The following GRIK5 variants were observed in gnomAD, a reference collection of about 807,000 sequenced individuals.
The protein encoded by GRIK5 is glutamate receptor ionotropic, kainate 5.
In GRIK5, 43 loss-of-function variants were observed where a neutral mutation model predicts 97.4. That is an observed-to-expected ratio of 0.44 (90% confidence interval 0.35 to 0.57). GRIK5 has a LOEUF of 0.57. GRIK5 is among the 20% of genes least tolerant of loss of function. The pLI, the probability that GRIK5 is intolerant of heterozygous loss-of-function variation, is 0.01. For missense variants in GRIK5, 1,015 were observed against 1,382.0 expected, an observed-to-expected ratio of 0.73 and a Z score of 4.21; for synonymous variants, 580 against 583.5, an observed-to-expected ratio of 0.99 and a Z score of 0.09.
At chr19:42,050,918 CA>C (rs2076107083) in intron 11 of GRIK5, among the ~76,000 whole-genome samples, 1 of 152,098 alleles carries the variant, frequency 6.6e-6, no homozygotes, top group Non-Finnish European at 1.5e-5. Context: ...GTACCTTGGG[CA>C]CTGCAAGGGC....
In GRIK5 at chr19:42,006,379, C is replaced by G. The variant is rs1397977040; in HGVS notation, c.2037+266G>C. 6.6e-6 allele frequency among the ~76,000 whole-genome samples: 1 copy of G among 152,196 alleles called. No homozygotes were observed. Among genetic ancestry groups the G allele is most frequent in the East Asian group, 1.9e-4 (1 of 5,192 alleles). ...TGTCAGCCCATATTCCTGGTCCCGA[C>G]CCTTCCAGCAGCCTCCTTGATCCCA... On this transcript the variant is annotated intron_variant, in intron 16 of 19. Transcript: ENST00000593562. The surrounding 1 kb of genome is among the most constrained non-coding windows in gnomAD (Gnocchi z 5.3).
In GRIK5 at chr19:42,056,779, G is replaced by A; in HGVS notation, c.786C>T (p.Ser262=). 2 of 1,614,118 alleles carry A rather than the reference G, an allele frequency of 1.2e-6. No individual in the cohort carries two copies. The highest frequency in any genetic ancestry group is 1.7e-6 in the Non-Finnish European group (2 of 1,179,994). Residue 262 remains serine, a synonymous_variant, in exon 8 of 20, where the codon TCC becomes TCT. Coordinates refer to ENST00000593562, the MANE Select transcript of GRIK5 (RefSeq NM_002088.5). ...LHLDGIVEDS[S]NILGFSMFNT... is the part of the protein sequence containing the mutation. ...TGAACATGGAGAAGCCCAGGATGTT[G>A]GAGGAGTCCTCCACAATACCGTCCA...
chr19:42,059,456 C>T lies in GRIK5; in HGVS notation c.580G>A (p.Asp194Asn). The T allele has an allele frequency of 6.2e-7, 1 of 1,613,968 alleles. No homozygotes were observed. The highest frequency in any genetic ancestry group is 8.5e-7 in the Non-Finnish European group (1 of 1,179,966). Residue 194 changes from aspartate to asparagine, a missense_variant, in exon 6 of 20, where the codon GAC becomes AAC. Transcript: ENST00000593562. Reference protein sequence around the residue: ...SKETLSVRMLDDSRDPTPLLK... With the variant: ...SKETLSVRMLNDSRDPTPLLK... ...AGTGGTGTGGGGTCCCGGCTGTCGTCCAACATCCTCACTGACAGCGTCTCC... is the reference window on the plus strand; with the variant it reads ...AGTGGTGTGGGGTCCCGGCTGTCGTTCAACATCCTCACTGACAGCGTCTCC...
intron 11 of GRIK5, among the ~76,000 whole-genome samples, chr19:42,048,812 G>T (rs1246388874): frequency 1.3e-5 from 2 of 152,084 alleles, no homozygotes; most frequent in African/African-American, 4.8e-5. Context: ...GTCAAGGTGG[G>T]TGGATCCCTT....
intron 11 of GRIK5, among the ~76,000 whole-genome samples, chr19:42,045,417 C>T (rs905671134): frequency 1.3e-5 from 2 of 152,240 alleles, no homozygotes; most frequent in African/African-American, 4.8e-5. Flanking sequence ...ACTTTCCAGT[C>T]CAGTCTGGAC....
rs1555871449 is a variant in GRIK5, at chr19:42,003,286, C to A, written c.2514+46G>T. 2 of 1,581,822 alleles carry A rather than the reference C, an allele frequency of 1.3e-6. No individual in the cohort carries two copies. Among genetic ancestry groups the A allele is most frequent in the Admixed American group, 1.7e-5 (1 of 59,478 alleles). On this transcript the variant is annotated intron_variant, in intron 19 of 19. Coordinates refer to ENST00000593562, the MANE Select transcript of GRIK5 (RefSeq NM_002088.5). This position sits in a 1 kb window ranked among gnomAD's most constrained non-coding sequence, Gnocchi z 4.2. The stretch of plus-strand genomic sequence containing the variant: ...GCCACAATCTTCACGCACCTCAGCC[C>A]CTGGGGGTCCCTGTTCCTGCCCACC...
intron 12 of GRIK5, among the ~76,000 whole-genome samples, chr19:42,033,161 T>C (rs1188408043): frequency 6.6e-6 from 1 of 151,752 alleles, no homozygotes; most frequent in Non-Finnish European, 1.5e-5. Flanking sequence ...CTACTAAAAA[T>C]ACAAAAATTA....
At chr19:42,068,840 T>G (rs1314901446) in intron 1 of GRIK5, 1 of 664,708 alleles carries the variant, frequency 1.5e-6, no homozygotes, top group Non-Finnish European at 2.7e-6. Flanking sequence ...CTGGACGGGG[T>G]GGGGACAGGG....
intron 15 of GRIK5, among the ~76,000 whole-genome samples, chr19:42,014,271 G>A (rs1241295438): frequency 6.6e-6 from 1 of 152,008 alleles, no homozygotes; most frequent in Non-Finnish European, 1.5e-5. Flanking sequence ...GCGTGCGCTT[G>A]TAGTCCCAGC....
Position 42,021,710 on chromosome 19 carries a change from A to G in GRIK5, c.1698-236T>C, listed in dbSNP as rs1045898429. On this transcript the variant is annotated intron_variant, in intron 14 of 19. Coordinates refer to ENST00000593562, the MANE Select transcript of GRIK5 (RefSeq NM_002088.5). This position sits in a 1 kb window ranked among gnomAD's most constrained non-coding sequence, Gnocchi z 4.2. ...AAATAGAGAAGGGAGGAGGCAAAAA[A>G]GGGAGAGGCGGGAAGGGGAGAGACC... Among the ~76,000 whole-genome samples, 1 of 152,144 alleles carries G rather than the reference A, an allele frequency of 6.6e-6. No homozygotes were observed. The highest frequency in any genetic ancestry group is 2.4e-5 in the African/African-American group (1 of 41,444).
intron 12 of GRIK5, among the ~76,000 whole-genome samples, chr19:42,024,989 A>AT (rs1470371580): frequency 6.6e-6 from 1 of 152,102 alleles, no homozygotes; most frequent in Non-Finnish European, 1.5e-5. Flanking sequence ...TGGACATGTC[A>AT]TGTGTTTCTG....
At chr19:42,064,658 G>T (rs920809227) in intron 3 of GRIK5, among the ~76,000 whole-genome samples, 5 of 152,176 alleles carry the variant, frequency 3.3e-5, no homozygotes, top group Admixed American at 6.5e-5. Flanking sequence ...GATAAGGCCT[G>T]CAGGAAAGAA....
Position 42,042,632 on chromosome 19 carries a change from G to A in GRIK5, c.1393C>T (p.Arg465Trp). Residue 465 changes from arginine to tryptophan, a missense_variant, in exon 12 of 20, where the codon CGG becomes TGG. By Grantham distance (101) the Arg-to-Trp change is moderately radical. Transcript: ENST00000593562. The surrounding 1 kb of genome is among the most constrained non-coding windows in gnomAD (Gnocchi z 6.9). ...AELLRFRYRL[R>W]LVEDGLYGAP... The stretch of plus-strand genomic sequence containing the variant: ...CCGTACAGCCCATCCTCCACCAACC[G>A]CAGGCGGTAGCGGAAGCGCAGCAGC... 1 of 1,613,140 alleles carries A rather than the reference G, an allele frequency of 6.2e-7. No homozygotes were observed. The highest frequency in any genetic ancestry group is 8.5e-7 in the Non-Finnish European group (1 of 1,179,936).
At position 42,021,877 on chromosome 19, in the gene GRIK5, C is replaced by G. The variant is rs973453443; in HGVS notation, c.1697+70G>C. 2.8e-5 allele frequency: 26 copies of G among 938,688 alleles called. No homozygotes were observed. Among genetic ancestry groups the G allele is most frequent in the Non-Finnish European group, 4.2e-5 (25 of 595,552 alleles). The allele number at this position is 938,688 out of a possible 1,614,324, so 58.1% of individuals were successfully genotyped here. On this transcript the variant is annotated intron_variant, in intron 14 of 19. Transcript: ENST00000593562. The surrounding 1 kb of genome is among the most constrained non-coding windows in gnomAD (Gnocchi z 4.2). ...AAGGACAGTTCCGAGAGAGAAGAGG[C>G]AGGTCGGTCCCAGAGGCCTCGGCTC...
At position 42,042,731 on chromosome 19, in the gene GRIK5, G is replaced by A; in HGVS notation, c.1294C>T (p.Pro432Ser). 1.2e-6 allele frequency: 2 copies of A among 1,613,676 alleles called. No homozygotes were observed. The highest frequency in any genetic ancestry group is 1.7e-6 in the Non-Finnish European group (2 of 1,179,980). The change falls in exon 12 of 20, where the codon CCC becomes TCC. Residue 432 changes from proline (P) to serine (S), a missense_variant. Physicochemically the swap from Pro to Ser is moderately conservative, Grantham distance 74 (BLOSUM62 -1). Around this residue, in one of 5 missense-constraint regions of GRIK5, gnomAD observed 477 missense variants for 701.1 expected, o/e 0.68. Coordinates refer to ENST00000593562, the MANE Select transcript of GRIK5 (RefSeq NM_002088.5). The surrounding 1 kb of genome is among the most constrained non-coding windows in gnomAD (Gnocchi z 6.9). The stretch of plus-strand genomic sequence containing the variant: ...TTCCCCGACAGGGCCTGGAAGTTGG[G>A]CCGGCGCATGACGTATGGGTTCTCC... ...ILENPYVMRR[P>S]NFQALSGNER...
chr19:42,044,126 C>T (rs117944582), intron 11 of GRIK5, among the ~76,000 whole-genome samples: 1,863 of 152,272 alleles, frequency 0.012, 30 homozygotes, highest in Non-Finnish European at 0.016. Context: ...CCCCTTCACT[C>T]GGCACATCTC....
At chr19:42,060,031 T>C (rs1024909634) in intron 5 of GRIK5, among the ~76,000 whole-genome samples, 1 of 152,018 alleles carries the variant, frequency 6.6e-6, no homozygotes, top group African/African-American at 2.4e-5. Flanking sequence ...CCTGAGTCTG[T>C]TCCCTACACA....
In GRIK5 at chr19:42,053,713, G is replaced by A. The variant is rs545320154; in HGVS notation, c.1162-4C>T. ...GGTTAGAGTACCACACCCCAATCTAGGGGGCAGAGAGGGTGCTGTCAGCTC... is the reference window on the plus strand; with the variant it reads ...GGTTAGAGTACCACACCCCAATCTAAGGGGCAGAGAGGGTGCTGTCAGCTC... On this transcript the variant is annotated splice_region_variant and splice_polypyrimidine_tract_variant and intron_variant, in intron 10 of 19. Coordinates refer to ENST00000593562, the MANE Select transcript of GRIK5 (RefSeq NM_002088.5). 3.4e-5 allele frequency: 55 copies of A among 1,596,082 alleles called. No homozygotes were observed. In the East Asian group the frequency reaches 5.4e-4, roughly 16 times the overall value.
Position 42,003,313 on chromosome 19 carries a change from C to T in GRIK5, c.2514+19G>A. 1.9e-6 allele frequency: 3 copies of T among 1,585,564 alleles called. No homozygotes were observed. The highest frequency in any genetic ancestry group is 2.6e-6 in the Non-Finnish European group (3 of 1,156,916). Reference sequence around the variant, plus strand: ...TGGGGGTCCCTGTTCCTGCCCACCCCCACCCCCAGCCTCCTCACCTCCTCG... The same window carrying T: ...TGGGGGTCCCTGTTCCTGCCCACCCTCACCCCCAGCCTCCTCACCTCCTCG... On this transcript the variant is annotated intron_variant, in intron 19 of 19. Coordinates refer to ENST00000593562, the MANE Select transcript of GRIK5 (RefSeq NM_002088.5). This position sits in a 1 kb window ranked among gnomAD's most constrained non-coding sequence, Gnocchi z 4.2.
Sources: gnomAD v4.1 joint callset for allele counts (sites outside exome capture counted in the v4.1 genomes callset) on GRCh38, gnomAD v4.1.1 for gene constraint, gnomAD v4.1.1 regional missense constraint, Gnocchi (gnomAD v3.1) non-coding constraint, MANE v1.5 for transcripts, NCBI Gene and HGNC (gene_info 2026-07-23, HGNC 2026-07-21) for gene names.